The following CACNA1A variants were observed in gnomAD, a reference collection of about 807,000 sequenced individuals.
CACNA1A encodes voltage-dependent P/Q-type calcium channel subunit alpha-1A.
Under a neutral mutation model 262.4 loss-of-function variants are expected in CACNA1A, and 57 were observed. The observed-to-expected ratio is 0.22, with a 90% confidence interval of 0.18 to 0.27. CACNA1A has a LOEUF of 0.27. Ranked by LOEUF, CACNA1A falls within the 10% of genes least tolerant of loss-of-function variation. CACNA1A has a pLI of 1.00. For synonymous variants in CACNA1A, 1,431 were observed against 1,419.3 expected (o/e 1.01, Z -0.18); for missense variants, 2,526 against 3,562.8 (o/e 0.71, Z 7.41).
At chr19:13,383,779 C>T (rs145065372) in intron 3 of CACNA1A, among the ~76,000 whole-genome samples, 1 of 152,180 alleles carries the variant, frequency 6.6e-6, no homozygotes, top group African/African-American at 2.4e-5. Context: ...AGAGATCCTG[C>T]CTCTTCACTC....
chr19:13,420,961 C>A (rs991075636), intron 3 of CACNA1A, among the ~76,000 whole-genome samples: 2 of 152,222 alleles, frequency 1.3e-5, no homozygotes, highest in Non-Finnish European at 2.9e-5. Flanking sequence ...AACAAAACTA[C>A]ATTTCCCAGC....
chr19:13,282,530 A>G (rs184533262), intron 22 of CACNA1A, among the ~76,000 whole-genome samples: 11 of 152,172 alleles, frequency 7.2e-5, no homozygotes, highest in African/African-American at 2.2e-4. Context: ...TCCGTAGCAT[A>G]CAGTAGGTGA....
At chr19:13,495,306 A>AT (rs903557010) in intron 1 of CACNA1A, among the ~76,000 whole-genome samples, 14 of 151,768 alleles carry the variant, frequency 9.2e-5, no homozygotes, top group African/African-American at 2.7e-4. Context: ...TTATTTATTT[A>AT]TTTATTTTGA....
At chr19:13,250,269 AG>A (rs1241004601) in intron 30 of CACNA1A, among the ~76,000 whole-genome samples, 11 of 152,036 alleles carry the variant, frequency 7.2e-5, no homozygotes. Flanking sequence ...CATGTTGTCC[AG>A]GCTGGTCTTG....
chr19:13,364,548 A>C (rs539500432), intron 5 of CACNA1A: 1 of 152,342 alleles, frequency 6.6e-6, no homozygotes, highest in East Asian at 1.9e-4. Flanking sequence ...GTCCTCACCA[A>C]TGTCAAAAAG....
chr19:13,406,196 T>A (rs1283036690), intron 3 of CACNA1A, among the ~76,000 whole-genome samples: 1 of 151,766 alleles, frequency 6.6e-6, no homozygotes, highest in East Asian at 1.9e-4. Context: ...GGCTCATGCC[T>A]GTAATACTAG....
chr19:13,394,593 G>T (rs2059777218), intron 3 of CACNA1A, among the ~76,000 whole-genome samples: 1 of 152,116 alleles, frequency 6.6e-6, no homozygotes, highest in Non-Finnish European at 1.5e-5. Context: ...GAACAATTTT[G>T]GCTTTAACGA....
At chr19:13,423,641 T>C (rs987018775) in intron 3 of CACNA1A, among the ~76,000 whole-genome samples, 4 of 151,902 alleles carry the variant, frequency 2.6e-5, no homozygotes, top group African/African-American at 9.7e-5. Context: ...GCCTCCCAAG[T>C]AGCTGGGATA....
chr19:13,301,567 T>A (rs889283705), intron 17 of CACNA1A, among the ~76,000 whole-genome samples: 1 of 152,208 alleles, frequency 6.6e-6, no homozygotes, highest in African/African-American at 2.4e-5. Context: ...AGGAGGAGAA[T>A]GGGGGAAGAG....
At chr19:13,351,959 T>TATCA (rs992770403) in intron 6 of CACNA1A, among the ~76,000 whole-genome samples, 2 of 152,174 alleles carry the variant, frequency 1.3e-5, no homozygotes, top group Admixed American at 6.5e-5. Context: ...ATTATTGATG[T>TATCA]ATCAATCAAT....
chr19:13,239,102 C>T (rs1051761693), intron 31 of CACNA1A, among the ~76,000 whole-genome samples: 2 of 142,882 alleles, frequency 1.4e-5, no homozygotes, highest in Non-Finnish European at 3.2e-5. Context: ...AGTCACATGA[C>T]CAGTCGCGCC....
At chr19:13,468,968 A>G (rs922243743) in intron 1 of CACNA1A, among the ~76,000 whole-genome samples, 2 of 152,248 alleles carry the variant, frequency 1.3e-5, no homozygotes, top group Admixed American at 6.5e-5. Flanking sequence ...GGCCCCAAGA[A>G]AGCAAGAGAA....
intron 40 of CACNA1A, chr19:13,213,893 C>G (rs1323494078): frequency 4.0e-6 from 1 of 247,846 alleles, no homozygotes; most frequent in Non-Finnish European, 8.0e-6. Context: ...TCTATGTTGC[C>G]CAGACTGGTC....
At position 13,477,120 on chromosome 19, in the gene CACNA1A, T is replaced by C. The variant is rs1320116951; in HGVS notation, c.294-21908A>G. Among the ~76,000 whole-genome samples, 5 of 152,200 alleles carry C rather than the reference T, an allele frequency of 3.3e-5. No homozygotes were observed. The South Asian group carries it at 8.3e-4, about 25-fold the overall frequency. ...GCTTCAGCCACATCTGCCTCCTCAC[T>C]GTCACACATGTCACATATACCCCTA... On this transcript the variant is annotated intron_variant, in intron 1 of 46. Transcript: ENST00000360228.
chr19:13,421,221 T>G (rs542238959), intron 3 of CACNA1A, among the ~76,000 whole-genome samples: 1 of 152,332 alleles, frequency 6.6e-6, no homozygotes, highest in African/African-American at 2.4e-5. Flanking sequence ...ATGGCTAACC[T>G]TGCAGCTATT....
intron 1 of CACNA1A, among the ~76,000 whole-genome samples, chr19:13,486,694 C>A (rs1374757711): frequency 5.7e-5 from 1 of 17,566 alleles, no homozygotes; most frequent in Non-Finnish European, 9.7e-5. Flanking sequence ...TTCTTTCTGT[C>A]TCTCTTTCTC....
At chr19:13,326,508 A>G (rs1027188908) in intron 10 of CACNA1A, among the ~76,000 whole-genome samples, 2 of 152,110 alleles carry the variant, frequency 1.3e-5, no homozygotes, top group African/African-American at 4.8e-5. Context: ...CATGTGGGCC[A>G]GGTGTGGTGG....
At chr19:13,476,713 A>G (rs1168367832) in intron 1 of CACNA1A, among the ~76,000 whole-genome samples, 1 of 152,126 alleles carries the variant, frequency 6.6e-6, no homozygotes, top group Non-Finnish European at 1.5e-5. Flanking sequence ...TTTTATCACA[A>G]TAAAAAAATT....
intron 1 of CACNA1A, among the ~76,000 whole-genome samples, chr19:13,477,892 T>C (rs1978751553): frequency 6.6e-6 from 1 of 152,178 alleles, no homozygotes; most frequent in South Asian, 2.1e-4. Context: ...CCCACTATCT[T>C]TGCACTCAAC....
Sources: gnomAD v4.1 joint callset for allele counts (sites outside exome capture counted in the v4.1 genomes callset) on GRCh38, gnomAD v4.1.1 for gene constraint, MANE v1.5 for transcripts, NCBI Gene and HGNC (gene_info 2026-07-23, HGNC 2026-07-21) for gene names.